RFX3: variants seen among roughly 807,000 people sequenced by gnomAD.
The protein encoded by RFX3 is regulatory factor X3.
Under a neutral mutation model 98.6 loss-of-function variants are expected in RFX3, and 14 were observed. The ratio of observed to expected loss-of-function variants is 0.14; its 90% CI spans 0.09 to 0.22. The LOEUF is 0.22. RFX3 is among the 10% of genes least tolerant of loss of function. RFX3 has a pLI of 1.00. For missense variants in RFX3, 639 were observed against 926.9 expected, an observed-to-expected ratio of 0.69 and a Z score of 4.03; for synonymous variants, 383 against 328.4, an observed-to-expected ratio of 1.17 and a Z score of -1.80.
chr9:3,423,870 A>G (rs960763213), intron 1 of RFX3, among the ~76,000 whole-genome samples: 4 of 149,560 alleles, frequency 2.7e-5, no homozygotes, highest in South Asian at 2.1e-4. Flanking sequence ...CAAGAAGGCC[A>G]GGCGCGGTGG....
chr9:3,525,089 T>C (rs1459953974), intron 1 of RFX3, among the ~76,000 whole-genome samples: 2 of 150,702 alleles, frequency 1.3e-5, no homozygotes, highest in Non-Finnish European at 3.0e-5. Flanking sequence ...AAGAAAACCA[T>C]GAAGCTGATG....
rs1242453357 is a variant in RFX3, at chr9:3,222,336, T to G, written c.*2706A>C. The stretch of plus-strand genomic sequence containing the variant: ...AGTCAAGTTCAAATGTAATAATGTT[T>G]TATTAGTTCTTAATCTGTCCTAATT... On this transcript the variant is annotated 3_prime_UTR_variant, in exon 17 of 17. Coordinates refer to ENST00000617270, the MANE Select transcript of RFX3 (RefSeq NM_001282116.2). 8 of 152,190 alleles carry G rather than the reference T, an allele frequency of 5.3e-5. No homozygotes were observed. The highest frequency in any genetic ancestry group is 1.0e-4 in the Non-Finnish European group (7 of 68,010). 9.4% of individuals were successfully genotyped at this position (152,190 alleles called of 1,614,324 possible). A position where few individuals can be genotyped will look rare whatever the true frequency, so the allele number is the denominator to read the frequency against.
At position 3,406,924 on chromosome 9, in the gene RFX3, C is replaced by T. The variant is rs1207316323; in HGVS notation, c.-8-11328G>A. On this transcript the variant is annotated intron_variant, in intron 1 of 16. Transcript: ENST00000617270. ...TAAGGATTAAGTAAACTCAAATGAA[C>T]GAATCAAGTCTTCAGCTATTGCTCT... 2.6e-5 allele frequency among the ~76,000 whole-genome samples: 4 copies of T among 152,076 alleles called. No individual in the cohort carries two copies. The East Asian group carries it at 7.7e-4, about 29-fold the overall frequency.
At chr9:3,341,043 G>A (rs1445375506) in intron 3 of RFX3, among the ~76,000 whole-genome samples, 1 of 152,100 alleles carries the variant, frequency 6.6e-6, no homozygotes, top group Non-Finnish European at 1.5e-5. Flanking sequence ...AGAAAATGTG[G>A]CACATACACA....
chr9:3,231,209 A>G (rs1036432331), intron 15 of RFX3, among the ~76,000 whole-genome samples: 2 of 152,206 alleles, frequency 1.3e-5, no homozygotes, highest in Non-Finnish European at 2.9e-5. Flanking sequence ...TCACATGTAC[A>G]GCAAATAGAG....
At chr9:3,410,436 T>A (rs1316267972) in intron 1 of RFX3, among the ~76,000 whole-genome samples, 1 of 152,078 alleles carries the variant, frequency 6.6e-6, no homozygotes, top group African/African-American at 2.4e-5. Flanking sequence ...ACTCTATTTA[T>A]ACTGAAATAA....
At chr9:3,403,627 ATTAC>A (rs1335116580) in intron 1 of RFX3, among the ~76,000 whole-genome samples, 1 of 152,184 alleles carries the variant, frequency 6.6e-6, no homozygotes, top group African/African-American at 2.4e-5. Flanking sequence ...ATGAAAAACT[ATTAC>A]TTAAAGAAAG....
chr9:3,288,389 T>C (rs1826916983), intron 6 of RFX3, 139 bp from the exon 7 acceptor site: 1 of 646,840 alleles, frequency 1.5e-6, no homozygotes, highest in African/African-American at 1.8e-5. Flanking sequence ...GATTAACCTG[T>C]TCTGAATACT....
chr9:3,258,525 G>C (rs904816677), intron 13 of RFX3, among the ~76,000 whole-genome samples: 1 of 151,922 alleles, frequency 6.6e-6, no homozygotes, highest in Non-Finnish European at 1.5e-5. Flanking sequence ...GAAACCTACT[G>C]TTTCTTCTAT....
At chr9:3,292,845 G>A (rs1366235945) in intron 6 of RFX3, among the ~76,000 whole-genome samples, 2 of 152,132 alleles carry the variant, frequency 1.3e-5, no homozygotes, top group Non-Finnish European at 2.9e-5. Flanking sequence ...TTGAGAATCA[G>A]CTCTTCTCAA....
chr9:3,229,402 G>C (rs1291283057), intron 15 of RFX3, among the ~76,000 whole-genome samples: 1 of 152,138 alleles, frequency 6.6e-6, no homozygotes, highest in Non-Finnish European at 1.5e-5. Flanking sequence ...GAGTGTATTT[G>C]TTTTTACAAA....
At chr9:3,355,367 T>C (rs1835625292) in intron 2 of RFX3, among the ~76,000 whole-genome samples, 1 of 151,774 alleles carries the variant, frequency 6.6e-6, no homozygotes, top group Non-Finnish European at 1.5e-5. Flanking sequence ...TATAAAGAGA[T>C]AAATCTTGCA....
intron 15 of RFX3, among the ~76,000 whole-genome samples, chr9:3,237,054 A>G (rs950088618): frequency 5.9e-5 from 9 of 152,180 alleles, no homozygotes; most frequent in East Asian, 1.9e-4. Flanking sequence ...CTTAAATTCT[A>G]TACATTATCC....
In RFX3 at chr9:3,356,022, G is replaced by C. The variant is rs143723671; in HGVS notation, c.118-9258C>G. On this transcript the variant is annotated intron_variant, in intron 2 of 16. Transcript: ENST00000617270. ...CTGAAAATATATCATAATTTTCAGA[G>C]TGCAGCCAGAGCCTCGCATAGAGGG... is the stretch of plus-strand genomic sequence containing the variant. 2.4e-3 allele frequency among the ~76,000 whole-genome samples: 358 copies of C among 151,768 alleles called. 1 individual carries two copies. Among genetic ancestry groups the C allele is most frequent in the African/African-American group, 8.3e-3 (343 of 41,480 alleles).
intron 1 of RFX3, among the ~76,000 whole-genome samples, chr9:3,436,236 C>T (rs1157775610): frequency 6.6e-6 from 1 of 151,926 alleles, no homozygotes; most frequent in East Asian, 1.9e-4. Flanking sequence ...AGAAGTTATC[C>T]CAATATCCTT....
chr9:3,408,693 G>C (rs1021800525), intron 1 of RFX3, among the ~76,000 whole-genome samples: 1 of 151,624 alleles, frequency 6.6e-6, no homozygotes, highest in Non-Finnish European at 1.5e-5. Flanking sequence ...AACTTAAGTT[G>C]AACACACAGT....
intron 1 of RFX3, among the ~76,000 whole-genome samples, chr9:3,406,100 G>A (rs1037626106): frequency 1.3e-5 from 2 of 151,966 alleles, no homozygotes; most frequent in Non-Finnish European, 2.9e-5. Context: ...GGGACCATGT[G>A]CACATGCCAC....
At chr9:3,409,319 G>A (rs896962401) in intron 1 of RFX3, among the ~76,000 whole-genome samples, 1 of 152,164 alleles carries the variant, frequency 6.6e-6, no homozygotes, top group Non-Finnish European at 1.5e-5. Context: ...TTAACCAATT[G>A]AATTGGATGA....
At chr9:3,360,433 A>G (rs1836277875) in intron 2 of RFX3, among the ~76,000 whole-genome samples, 1 of 152,120 alleles carries the variant, frequency 6.6e-6, no homozygotes, top group Admixed American at 6.6e-5. Context: ...TTAAATGGTT[A>G]CCTAGTACAC....
Sources: allele counts gnomAD v4.1 joint callset (sites outside exome capture counted in the v4.1 genomes callset), GRCh38; gene constraint gnomAD v4.1.1; transcripts MANE v1.5; gene names NCBI Gene and HGNC (gene_info 2026-07-23, HGNC 2026-07-21).